SDK1: variants seen among roughly 807,000 people sequenced by gnomAD.
SDK1 encodes sidekick cell adhesion molecule 1.
SDK1 carries 157 observed loss-of-function variants against 245.5 expected under a neutral mutation model. The ratio of observed to expected loss-of-function variants is 0.64; its 90% CI spans 0.56 to 0.73. The LOEUF (loss-of-function observed/expected upper bound fraction) is 0.73, where lower values mean the gene tolerates loss of function less well. SDK1 is among the 30% of genes least tolerant of loss of function. SDK1 has a pLI of 0.00. For missense variants in SDK1, 3,583 were observed against 3,002.3 expected (o/e 1.19, Z -4.52); for synonymous variants, 1,647 against 1,278.5 (o/e 1.29, Z -6.15).
intron 22 of SDK1, among the ~76,000 whole-genome samples, chr7:4,095,393 A>C (rs1241037184): frequency 6.6e-6 from 1 of 151,998 alleles, no homozygotes; most frequent in Non-Finnish European, 1.5e-5. Context: ...TAGCCAACCC[A>C]TTTGGTGGGA....
intron 20 of SDK1, among the ~76,000 whole-genome samples, chr7:4,072,895 C>T (rs934729155): frequency 2.6e-5 from 4 of 152,210 alleles, no homozygotes; most frequent in South Asian, 2.1e-4. Context: ...GAGTAGGGGG[C>T]GGCTGCGCCT....
At chr7:4,197,920 C>T (rs1783676229) in intron 35 of SDK1, among the ~76,000 whole-genome samples, 1 of 152,232 alleles carries the variant, frequency 6.6e-6, no homozygotes, top group South Asian at 2.1e-4. Flanking sequence ...AGGTTACTCT[C>T]ATTTCTCAGG....
At chr7:3,338,420 A>G in intron 1 of SDK1, 1 of 528,636 alleles carries the variant, frequency 1.9e-6, no homozygotes, top group Non-Finnish European at 3.6e-6. Context: ...AGCACTCTTA[A>G]GAGCCAAGAT....
At chr7:3,397,485 C>G (rs969305746) in intron 1 of SDK1, among the ~76,000 whole-genome samples, 2 of 151,336 alleles carry the variant, frequency 1.3e-5, no homozygotes, top group African/African-American at 2.4e-5. Context: ...TTCTTTCCCC[C>G]CCCCAGCGCT....
chr7:4,051,159 TA>T (rs1025375614), intron 18 of SDK1, among the ~76,000 whole-genome samples: 2 of 140,086 alleles, frequency 1.4e-5, no homozygotes, highest in Non-Finnish European at 3.0e-5. Context: ...TATATACATA[TA>T]GTATATATGT....
rs57111316 is a variant in SDK1, at chr7:3,995,483, C to T, written c.2131+8161C>T. Among the ~76,000 whole-genome samples the T allele has an allele frequency of 6.2e-3, 942 of 152,312 alleles. 9 individuals carry two copies. The highest frequency in any genetic ancestry group is 0.022 in the African/African-American group (902 of 41,574). ...CCTCCCCTGGGGGCGCTGACCCCAA[C>T]ACCTCCCTCCTGAGTTGCCTCAGCA... On this transcript the variant is annotated intron_variant, in intron 14 of 44. Transcript: ENST00000404826.
chr7:3,431,090 A>G (rs1779832306), intron 1 of SDK1, among the ~76,000 whole-genome samples: 1 of 152,054 alleles, frequency 6.6e-6, no homozygotes, highest in South Asian at 2.1e-4. Flanking sequence ...TCATAGAGAC[A>G]GGGTTTCACC....
intron 9 of SDK1, among the ~76,000 whole-genome samples, chr7:3,964,592 G>A (rs747710734): frequency 1.3e-5 from 2 of 152,118 alleles, no homozygotes; most frequent in Non-Finnish European, 2.9e-5. Flanking sequence ...TCAAGGTAAA[G>A]GTTTTCATTG....
At chr7:4,162,914 A>G (rs982997263) in intron 32 of SDK1, among the ~76,000 whole-genome samples, 1 of 152,194 alleles carries the variant, frequency 6.6e-6, no homozygotes, top group Non-Finnish European at 1.5e-5. Context: ...TGCCCAAGGA[A>G]GGGCTGCAGG....
At chr7:3,673,156 G>C (rs1174362078) in intron 4 of SDK1, among the ~76,000 whole-genome samples, 1 of 152,114 alleles carries the variant, frequency 6.6e-6, no homozygotes, top group African/African-American at 2.4e-5. Flanking sequence ...CCGAAAATGA[G>C]TTCCAAAGGG....
intron 5 of SDK1, among the ~76,000 whole-genome samples, chr7:3,851,925 G>T (rs1244571060): frequency 2.6e-5 from 4 of 152,204 alleles, no homozygotes; most frequent in African/African-American, 9.6e-5. Flanking sequence ...AGAGAAAAAT[G>T]TGTGCTTAAT....
chr7:3,586,995 A>C (rs1000251500), intron 1 of SDK1, among the ~76,000 whole-genome samples: 2 of 152,064 alleles, frequency 1.3e-5, no homozygotes, highest in Non-Finnish European at 2.9e-5. Context: ...GCATAGTGCT[A>C]ACTTGAGGTG....
chr7:4,098,556 G>A (rs559479783), intron 22 of SDK1, among the ~76,000 whole-genome samples: 10 of 152,104 alleles, frequency 6.6e-5, no homozygotes, highest in South Asian at 6.3e-4. Context: ...TCCAGGTATC[G>A]TGCTACAGAT....
intron 25 of SDK1, among the ~76,000 whole-genome samples, chr7:4,117,917 C>T (rs1036671794): frequency 6.6e-6 from 1 of 152,144 alleles, no homozygotes; most frequent in African/African-American, 2.4e-5. Flanking sequence ...GTATGTCTAC[C>T]TGGACTCTGA....
At chr7:3,883,785 C>A (rs1005302444) in intron 5 of SDK1, among the ~76,000 whole-genome samples, 17 of 145,600 alleles carry the variant, frequency 1.2e-4, no homozygotes, top group African/African-American at 4.0e-4. Context: ...TTCCTCCATT[C>A]CTCTTGCCCT....
chr7:4,068,349 G>A (rs1290079450), intron 20 of SDK1, among the ~76,000 whole-genome samples: 3 of 152,306 alleles, frequency 2.0e-5, no homozygotes, highest in African/African-American at 4.8e-5. Context: ...CGAGAGGGTG[G>A]GTGACCTTTC....
chr7:3,571,967 C>A (rs1051088351), intron 1 of SDK1, among the ~76,000 whole-genome samples: 2 of 152,060 alleles, frequency 1.3e-5, no homozygotes, highest in South Asian at 2.1e-4. Context: ...TACTTACTTG[C>A]TATCTGCTGT....
intron 1 of SDK1, among the ~76,000 whole-genome samples, chr7:3,511,012 G>A (rs1782560589): frequency 6.6e-6 from 1 of 152,184 alleles, no homozygotes; most frequent in Non-Finnish European, 1.5e-5. Context: ...AGTGTAGGGG[G>A]ACGAGGGTGA....
chr7:4,210,167 G>T lies in SDK1; in HGVS notation c.5539+5G>T, dbSNP rs767017562. ...AGCCCTTGGCCCCTGTACAAGGTAA[G>T]ACCCGGGGTTGGGGAGATGGGAGCG... On this transcript the variant is annotated splice_donor_5th_base_variant and intron_variant, in intron 38 of 44. Transcript: ENST00000404826. The T allele has an allele frequency of 1.3e-6, 2 of 1,549,032 alleles. No homozygotes were observed. Among genetic ancestry groups the T allele is most frequent in the East Asian group, 2.3e-5 (1 of 42,562 alleles).
Sources: allele counts gnomAD v4.1 joint callset (sites outside exome capture counted in the v4.1 genomes callset), GRCh38; gene constraint gnomAD v4.1.1; transcripts MANE v1.5; gene names NCBI Gene and HGNC (gene_info 2026-07-23, HGNC 2026-07-21).